The following SH3GL2 variants were observed in gnomAD, a reference collection of about 807,000 sequenced individuals.
The protein encoded by SH3GL2 is SH3 domain containing GRB2 like 2, endophilin A1.
SH3GL2 carries 24 observed loss-of-function variants against 46.0 expected under a neutral mutation model. The ratio of observed to expected loss-of-function variants is 0.52; its 90% CI spans 0.38 to 0.73. The LOEUF (loss-of-function observed/expected upper bound fraction) is 0.73. SH3GL2 is among the 30% of genes least tolerant of loss of function. SH3GL2 has a pLI of 0.00. For synonymous variants in SH3GL2, 196 were observed against 147.1 expected (o/e 1.33, Z -2.40); for missense variants, 413 against 424.2 (o/e 0.97, Z 0.23).
intron 1 of SH3GL2, among the ~76,000 whole-genome samples, chr9:17,628,468 T>C (rs1421077823): frequency 6.7e-6 from 1 of 150,360 alleles, no homozygotes; most frequent in African/African-American, 2.4e-5. Context: ...GCATGCACAT[T>C]TATCTATTTG....
At chr9:17,718,542 G>T (rs1406951961) in intron 1 of SH3GL2, among the ~76,000 whole-genome samples, 1 of 152,078 alleles carries the variant, frequency 6.6e-6, no homozygotes, top group Non-Finnish European at 1.5e-5. Flanking sequence ...GGGCAACATG[G>T]TGAAATCCCA....
At chr9:17,790,368 C>T in intron 6 of SH3GL2, 2 of 908,856 alleles carry the variant, frequency 2.2e-6, no homozygotes, top group Non-Finnish European at 2.6e-6. Flanking sequence ...CAAGTTGTCA[C>T]CTAAAATTAA....
intron 1 of SH3GL2, among the ~76,000 whole-genome samples, chr9:17,706,874 C>G (rs1002704365): frequency 6.6e-6 from 1 of 151,988 alleles, no homozygotes; most frequent in Admixed American, 6.6e-5. Context: ...GAAAAAGTTG[C>G]TGTAGGGTTT....
chr9:17,770,051 G>T (rs1286564526), intron 3 of SH3GL2, among the ~76,000 whole-genome samples: 2 of 152,198 alleles, frequency 1.3e-5, no homozygotes, highest in Non-Finnish European at 2.9e-5. Flanking sequence ...TCTTACGGGA[G>T]TAGCTAACTT....
chr9:17,785,956 C>A (rs1481428470), intron 3 of SH3GL2, among the ~76,000 whole-genome samples: 2 of 152,094 alleles, frequency 1.3e-5, no homozygotes, highest in East Asian at 3.9e-4. Flanking sequence ...TTATTTTAAT[C>A]CTTAGACTCC....
chr9:17,746,825 T>G (rs1056538521), intron 1 of SH3GL2, among the ~76,000 whole-genome samples: 2 of 152,262 alleles, frequency 1.3e-5, no homozygotes, highest in African/African-American at 4.8e-5. Flanking sequence ...AGCACTGAGG[T>G]TGAAATCAGA....
intron 1 of SH3GL2, among the ~76,000 whole-genome samples, chr9:17,625,365 AAC>A (rs1348575600): frequency 6.6e-6 from 1 of 152,196 alleles, no homozygotes; most frequent in African/African-American, 2.4e-5. Context: ...CTACTGTGGC[AAC>A]ACACAGTTCG....
intron 1 of SH3GL2, among the ~76,000 whole-genome samples, chr9:17,676,091 A>G (rs934378351): frequency 2.0e-5 from 3 of 152,232 alleles, no homozygotes; most frequent in African/African-American, 4.8e-5. Flanking sequence ...TTTGGCTAGA[A>G]GAAGGGAGAG....
At chr9:17,628,450 G>GTT (rs1298837383) in intron 1 of SH3GL2, among the ~76,000 whole-genome samples, 1 of 143,846 alleles carries the variant, frequency 7.0e-6, no homozygotes. Context: ...GTGTGTGTGT[G>GTT]TGTATGTGCA....
At chr9:17,722,944 C>T (rs1821931901) in intron 1 of SH3GL2, among the ~76,000 whole-genome samples, 1 of 152,130 alleles carries the variant, frequency 6.6e-6, no homozygotes, top group South Asian at 2.1e-4. Context: ...TCCTTTCTCT[C>T]ACAGATGCCT....
chr9:17,762,312 G>A (rs755451608), intron 3 of SH3GL2, among the ~76,000 whole-genome samples: 3 of 151,508 alleles, frequency 2.0e-5, no homozygotes, highest in East Asian at 1.9e-4. Flanking sequence ...TTGGGGTTCC[G>A]TGTATTTTAT....
intron 1 of SH3GL2, among the ~76,000 whole-genome samples, chr9:17,709,312 G>A (rs1821556949): frequency 6.6e-6 from 1 of 152,002 alleles, no homozygotes; most frequent in Admixed American, 6.6e-5. Flanking sequence ...AGAAAACAGA[G>A]TGTATTAAAG....
At chr9:17,617,851 G>T (rs1819040892) in intron 1 of SH3GL2, among the ~76,000 whole-genome samples, 1 of 152,192 alleles carries the variant, frequency 6.6e-6, no homozygotes, top group East Asian at 1.9e-4. Flanking sequence ...TCTTCTGTTT[G>T]TGAGCGCGAG....
chr9:17,755,853 G>A, intron 2 of SH3GL2: 1 of 812,018 alleles, frequency 1.2e-6, no homozygotes, highest in South Asian at 5.6e-5. Flanking sequence ...CCATGTCTCT[G>A]GAAGAGTAAC....
At chr9:17,730,630 T>A (rs929659818) in intron 1 of SH3GL2, among the ~76,000 whole-genome samples, 4 of 152,096 alleles carry the variant, frequency 2.6e-5, no homozygotes, top group African/African-American at 9.7e-5. Context: ...TTGAGATAGG[T>A]TCAATCAATA....
intron 1 of SH3GL2, among the ~76,000 whole-genome samples, chr9:17,666,785 T>G (rs1321796011): frequency 6.6e-6 from 1 of 152,088 alleles, no homozygotes; most frequent in Non-Finnish European, 1.5e-5. Context: ...GGAAGTAATA[T>G]TGCTAGATCA....
chr9:17,645,503 C>G (rs1401493509), intron 1 of SH3GL2, among the ~76,000 whole-genome samples: 3 of 152,044 alleles, frequency 2.0e-5, no homozygotes. Flanking sequence ...TTTGCAGTGG[C>G]TGGTACTGGT....
chr9:17,655,367 C>T (rs912942974), intron 1 of SH3GL2, among the ~76,000 whole-genome samples: 3 of 152,108 alleles, frequency 2.0e-5, no homozygotes, highest in Non-Finnish European at 2.9e-5. Context: ...TGTTTTACTA[C>T]GATCTCTGGC....
In SH3GL2 at chr9:17,579,256, G is replaced by A; in HGVS notation, c.14G>A (p.Gly5Asp). 1 of 1,566,090 alleles carries A rather than the reference G, an allele frequency of 6.4e-7. No homozygotes were observed. The highest frequency in any genetic ancestry group is 8.6e-7 in the Non-Finnish European group (1 of 1,157,518). MSVAGLKKQFHKATQ... is the reference protein window; with the variant it reads MSVADLKKQFHKATQ... ...GCCTCCTGCACCATGTCGGTGGCCG[G>A]CCTCAAGAAGCAGTTCCATAAAGCC... is the stretch of plus-strand genomic sequence containing the variant. The change falls in exon 1 of 9, where the codon GGC becomes GAC. Residue 5 changes from glycine (G) to aspartate (D), a missense_variant. By Grantham distance (94) the Gly-to-Asp change is moderately conservative. This residue lies in a region of SH3GL2 where 160 missense variants were observed against 192.3 expected (regional missense o/e 0.83). Transcript: ENST00000380607.
Sources: gnomAD v4.1 joint callset for allele counts (sites outside exome capture counted in the v4.1 genomes callset) on GRCh38, gnomAD v4.1.1 for gene constraint, gnomAD v4.1.1 regional missense constraint, MANE v1.5 for transcripts, NCBI Gene and HGNC (gene_info 2026-07-23, HGNC 2026-07-21) for gene names.